Variants in WASF3 observed in about 807,000 individuals in gnomAD.
WASF3 encodes WASP family member 3.
Under a neutral mutation model 46.6 loss-of-function variants are expected in WASF3, and 11 were observed. The ratio of observed to expected loss-of-function variants is 0.24; its 90% CI spans 0.15 to 0.39. The LOEUF is 0.39. Ranked by LOEUF, WASF3 falls within the 10% of genes least tolerant of loss-of-function variation. WASF3 has a pLI of 1.00. For synonymous variants in WASF3, 242 were observed against 259.7 expected, an observed-to-expected ratio of 0.93 and a Z score of 0.65; for missense variants, 576 against 669.8, an observed-to-expected ratio of 0.86 and a Z score of 1.55.
intron 4 of WASF3, among the ~76,000 whole-genome samples, chr13:26,666,696 A>G (rs13378742): frequency 0.011 from 1,649 of 152,070 alleles, 31 homozygotes; most frequent in African/African-American, 0.037. Flanking sequence ...TCAGGAGATC[A>G]AGACCATCCT....
At chr13:26,618,994 C>T (rs1210147791) in intron 2 of WASF3, 1 of 152,092 alleles carries the variant, frequency 6.6e-6, no homozygotes, top group Admixed American at 6.6e-5. Flanking sequence ...GGTTATCTAT[C>T]ATTTGTAGTC....
At chr13:26,627,889 TAAAG>T (rs933272284) in intron 2 of WASF3, among the ~76,000 whole-genome samples, 3 of 109,436 alleles carry the variant, frequency 2.7e-5, no homozygotes, top group African/African-American at 9.6e-5. Context: ...AGTATAATAA[TAAAG>T]AAAAAAAAAC....
intron 1 of WASF3, among the ~76,000 whole-genome samples, chr13:26,604,452 G>T (rs1408269287): frequency 1.3e-5 from 2 of 152,164 alleles, no homozygotes. Flanking sequence ...TTTAAGTAAG[G>T]TTGGTGTATG....
intron 3 of WASF3, among the ~76,000 whole-genome samples, chr13:26,652,289 G>A (rs1310667230): frequency 6.6e-6 from 1 of 152,154 alleles, no homozygotes; most frequent in East Asian, 1.9e-4. Context: ...GATAAGCCAG[G>A]ACCTTTAATG....
At chr13:26,659,202 T>C (rs1882552256) in intron 3 of WASF3, among the ~76,000 whole-genome samples, 1 of 152,108 alleles carries the variant, frequency 6.6e-6, no homozygotes, top group Non-Finnish European at 1.5e-5. Context: ...GACATTTGGG[T>C]GTAGAGCTAG....
chr13:26,671,862 T>G lies in WASF3; in HGVS notation c.423-10T>G, dbSNP rs771363015. 1 of 1,546,698 alleles carries G rather than the reference T, an allele frequency of 6.5e-7. No homozygotes were observed. The highest frequency in any genetic ancestry group is 8.7e-7 in the Non-Finnish European group (1 of 1,143,374). On this transcript the variant is annotated splice_polypyrimidine_tract_variant and intron_variant, in intron 5 of 9. Coordinates refer to ENST00000335327, the MANE Select transcript of WASF3 (RefSeq NM_006646.6). Reference sequence around the variant, plus strand: ...TTTTCTTCCCTGACTTACAATACATTGATTTGTAGAGATGACAAGAAGGAT... The same window carrying G: ...TTTTCTTCCCTGACTTACAATACATGGATTTGTAGAGATGACAAGAAGGAT...
intron 5 of WASF3, among the ~76,000 whole-genome samples, chr13:26,671,603 AT>A (rs1011690669): frequency 1.6e-4 from 24 of 150,350 alleles, no homozygotes; most frequent in Admixed American, 8.0e-4. Flanking sequence ...TCATGTTGTG[AT>A]TTTTTTTTTC....
At chr13:26,612,176 AT>A (rs1881001073) in intron 1 of WASF3, among the ~76,000 whole-genome samples, 1 of 152,116 alleles carries the variant, frequency 6.6e-6, no homozygotes, top group Non-Finnish European at 1.5e-5. Context: ...ACAAACAGGC[AT>A]TTTCTTATTC....
chr13:26,677,956 T>G (rs537822476), intron 7 of WASF3, among the ~76,000 whole-genome samples: 2 of 152,162 alleles, frequency 1.3e-5, no homozygotes, highest in Non-Finnish European at 2.9e-5. Context: ...GATGGGAAAA[T>G]GATGGATTTT....
intron 8 of WASF3, 139 bp downstream of exon 8, chr13:26,681,459 C>G (rs749064315): frequency 9.4e-7 from 1 of 1,064,930 alleles, no homozygotes; most frequent in Non-Finnish European, 1.3e-6. Context: ...ACTAGCAACT[C>G]TAACATTCTG....
chr13:26,541,968 C>T, the WASF3 span, among the ~76,000 whole-genome samples: 3 of 151,784 alleles, frequency 2.0e-5, no homozygotes, highest in Admixed American at 6.6e-5. Context: ...TGTTTTATTC[C>T]CCCTTTGGAG....
chr13:26,655,083 TTTC>T (rs1199849977), intron 3 of WASF3, among the ~76,000 whole-genome samples: 2 of 152,188 alleles, frequency 1.3e-5, no homozygotes, highest in Non-Finnish European at 2.9e-5. Context: ...TTGTTTTACA[TTTC>T]TTCTTTTTCT....
intron 5 of WASF3, among the ~76,000 whole-genome samples, chr13:26,671,186 A>G (rs1424791591): frequency 6.6e-6 from 1 of 152,170 alleles, no homozygotes; most frequent in Non-Finnish European, 1.5e-5. Flanking sequence ...TAGCTCCATC[A>G]TTGGTTTTAT....
In WASF3 at chr13:26,630,769, C is replaced by G. The variant is rs1456863516; in HGVS notation, c.-10-11492C>G. ...CATAATGGTTGAACTAATTTACACT[C>G]CCACCAACAGTGTAAAAGCATTGCT... On this transcript the variant is annotated intron_variant, in intron 2 of 9. Transcript: ENST00000335327. Among the ~76,000 whole-genome samples the G allele has an allele frequency of 3.3e-5, 5 of 152,228 alleles. No individual in the cohort carries two copies. In the East Asian group the frequency reaches 9.6e-4, roughly 29 times the overall value.
chr13:26,671,903 A>G lies in WASF3; in HGVS notation c.454A>G (p.Thr152Ala). 6.2e-7 allele frequency: 1 copy of G among 1,610,304 alleles called. No homozygotes were observed. Among genetic ancestry groups the G allele is most frequent in the Admixed American group, 1.7e-5 (1 of 58,998 alleles). ...DDKKDGLKFY[T>A]DPSYFFDLWK... Reference sequence around the variant, plus strand: ...CAAGAAGGATGGGCTGAAGTTCTATACTGATCCTTCCTATTTCTTTGACCT... The same window carrying G: ...CAAGAAGGATGGGCTGAAGTTCTATGCTGATCCTTCCTATTTCTTTGACCT... Residue 152 changes from threonine to alanine, a missense_variant, in exon 6 of 10, where the codon ACT becomes GCT. Around this residue, in one of 3 missense-constraint regions of WASF3, gnomAD observed 213 missense variants for 278.0 expected, o/e 0.77. Transcript: ENST00000335327.
At chr13:26,616,732 A>G (rs368261777) in intron 2 of WASF3, among the ~76,000 whole-genome samples, 5 of 152,128 alleles carry the variant, frequency 3.3e-5, no homozygotes, top group South Asian at 4.1e-4. Flanking sequence ...ACATGAGTCA[A>G]TAGCTGTGCA....
At chr13:26,649,416 C>T (rs946960052) in intron 3 of WASF3, among the ~76,000 whole-genome samples, 1 of 152,138 alleles carries the variant, frequency 6.6e-6, no homozygotes, top group Non-Finnish European at 1.5e-5. Context: ...ATTGAAGGGG[C>T]ATCCAGTTTC....
At chr13:26,628,219 A>T (rs894869913) in intron 2 of WASF3, among the ~76,000 whole-genome samples, 14 of 152,210 alleles carry the variant, frequency 9.2e-5, no homozygotes, top group African/African-American at 3.4e-4. Context: ...CCAAATAGTA[A>T]GAAAACAAAA....
chr13:26,678,774 G>A (rs989986601), intron 7 of WASF3, among the ~76,000 whole-genome samples: 1 of 152,242 alleles, frequency 6.6e-6, no homozygotes, highest in Non-Finnish European at 1.5e-5. Flanking sequence ...TCAGGGAGTC[G>A]CACACCTCCA....
Sources: gnomAD v4.1 joint callset for allele counts (sites outside exome capture counted in the v4.1 genomes callset) on GRCh38, gnomAD v4.1.1 for gene constraint, gnomAD v4.1.1 regional missense constraint, MANE v1.5 for transcripts, NCBI Gene and HGNC (gene_info 2026-07-23, HGNC 2026-07-21) for gene names.